The following TBCEL variants were observed in gnomAD, a reference collection of about 807,000 sequenced individuals.
The protein encoded by TBCEL is tubulin folding cofactor E like.
Under a neutral mutation model 44.2 loss-of-function variants are expected in TBCEL, and 15 were observed. The observed-to-expected ratio is 0.34, with a 90% CI of 0.23 to 0.52. The LOEUF (loss-of-function observed/expected upper bound fraction) is 0.52, where lower values mean the gene tolerates loss of function less well. Ranked by LOEUF, TBCEL falls within the 20% of genes least tolerant of loss-of-function variation. TBCEL has a pLI of 0.95. For synonymous variants in TBCEL, 171 were observed against 185.4 expected, an observed-to-expected ratio of 0.92 and a Z score of 0.63; for missense variants, 319 against 506.3, an observed-to-expected ratio of 0.63 and a Z score of 3.55.
intron 3 of TBCEL, among the ~76,000 whole-genome samples, chr11:121,046,147 G>A (rs1238074005): frequency 6.6e-6 from 1 of 152,040 alleles, no homozygotes; most frequent in Non-Finnish European, 1.5e-5. Context: ...AGCCTAATTG[G>A]TTTACAAGAC....
At chr11:121,054,222 C>T (rs948460567) in intron 5 of TBCEL, among the ~76,000 whole-genome samples, 3 of 151,776 alleles carry the variant, frequency 2.0e-5, no homozygotes, top group Non-Finnish European at 2.9e-5. Context: ...TTTCGTTTGT[C>T]CCTATCTTTG....
chr11:121,070,938 A>C (rs1945919048), intron 8 of TBCEL, among the ~76,000 whole-genome samples: 2 of 152,034 alleles, frequency 1.3e-5, no homozygotes, highest in Non-Finnish European at 2.9e-5. Context: ...CTTTTTAGAG[A>C]GATTATGTGT....
At chr11:121,029,016 T>C (rs933287542) in intron 1 of TBCEL, among the ~76,000 whole-genome samples, 4 of 152,210 alleles carry the variant, frequency 2.6e-5, no homozygotes, top group Non-Finnish European at 2.9e-5. Context: ...TTCCCACATA[T>C]ACTCTATACT....
At chr11:121,068,888 A>G (rs958544684) in intron 8 of TBCEL, among the ~76,000 whole-genome samples, 9 of 146,672 alleles carry the variant, frequency 6.1e-5, no homozygotes, top group African/African-American at 2.3e-4. Context: ...CTCCGTCTCA[A>G]AAAAAAAAAA....
intron 8 of TBCEL, among the ~76,000 whole-genome samples, chr11:121,084,175 A>G (rs564580025): frequency 6.6e-6 from 1 of 152,338 alleles, no homozygotes; most frequent in South Asian, 2.1e-4. Flanking sequence ...AGTTTCCAGC[A>G]CATGAGCTTG....
intron 8 of TBCEL, among the ~76,000 whole-genome samples, chr11:121,084,880 T>C (rs1946188013): frequency 6.6e-6 from 1 of 152,092 alleles, no homozygotes; most frequent in South Asian, 2.1e-4. Flanking sequence ...CTTTTCAGTT[T>C]AGAGCCTTGG....
At chr11:121,032,399 TA>T (rs1390817288) in intron 1 of TBCEL, among the ~76,000 whole-genome samples, 11 of 152,228 alleles carry the variant, frequency 7.2e-5, no homozygotes, top group South Asian at 4.1e-4. Flanking sequence ...TTGTTACTCC[TA>T]GGGGAAATAT....
intron 1 of TBCEL, among the ~76,000 whole-genome samples, chr11:121,025,165 A>G (rs630416): frequency 6.6e-6 from 1 of 152,342 alleles, no homozygotes; most frequent in East Asian, 1.9e-4. Context: ...GCTAGGCTAC[A>G]AAGAGCTTGT....
chr11:121,044,119 A>G (rs1945384912), intron 2 of TBCEL, among the ~76,000 whole-genome samples: 1 of 152,018 alleles, frequency 6.6e-6, no homozygotes, highest in South Asian at 2.1e-4. Context: ...TTTTAACATG[A>G]TCGTGAATCT....
At chr11:121,069,982 T>C (rs73011581) in intron 8 of TBCEL, among the ~76,000 whole-genome samples, 1 of 152,184 alleles carries the variant, frequency 6.6e-6, no homozygotes, top group Non-Finnish European at 1.5e-5. Context: ...GGTTTGTATA[T>C]AGAAGAAGAA....
chr11:121,040,376 C>T (rs1227126182), intron 2 of TBCEL, among the ~76,000 whole-genome samples: 1 of 152,150 alleles, frequency 6.6e-6, no homozygotes, highest in African/African-American at 2.4e-5. Flanking sequence ...GGTATTCTTC[C>T]AGCCCTTTGG....
At position 121,053,740 on chromosome 11, in the gene TBCEL, C is replaced by G; in HGVS notation, c.455+8C>G. 1 of 1,611,142 alleles carries G rather than the reference C, an allele frequency of 6.2e-7. No individual in the cohort carries two copies. On this transcript the variant is annotated splice_region_variant and intron_variant, in intron 5 of 8. Transcript: ENST00000683345. ...ACTACAGGAGTTACCAGAGTAAGCC[C>G]AGAGAGCATGAGGGCGAGGGAGTTA...
intron 8 of TBCEL, among the ~76,000 whole-genome samples, chr11:121,074,571 C>T (rs1668975857): frequency 6.6e-6 from 1 of 151,828 alleles, no homozygotes; most frequent in Non-Finnish European, 1.5e-5. Flanking sequence ...TTAGTAGTGT[C>T]CTTTGTTTAA....
intron 4 of TBCEL, among the ~76,000 whole-genome samples, chr11:121,048,612 C>G (rs565747506): frequency 6.6e-6 from 1 of 151,906 alleles, no homozygotes; most frequent in Middle Eastern, 3.4e-3. Flanking sequence ...AGCTGTCTTC[C>G]GTAGTGCTAC....
At chr11:121,086,726 C>T in intron 8 of TBCEL, 52 bp from the exon 9 acceptor site, 3 of 1,367,842 alleles carry the variant, frequency 2.2e-6, no homozygotes, top group East Asian at 2.3e-5. Flanking sequence ...AAGAAGTCCA[C>T]AGTACATGTG....
intron 4 of TBCEL, among the ~76,000 whole-genome samples, chr11:121,049,026 T>A (rs1185352213): frequency 6.6e-6 from 1 of 151,952 alleles, no homozygotes; most frequent in Non-Finnish European, 1.5e-5. Context: ...CAGTCTTGTA[T>A]AATGACTTGC....
chr11:121,082,202 AGTGT>A (rs570571591), intron 8 of TBCEL, among the ~76,000 whole-genome samples: 174 of 152,386 alleles, frequency 1.1e-3, no homozygotes, highest in African/African-American at 4.1e-3. Context: ...GTCTGGGCAC[AGTGT>A]GACTCAGCTG....
chr11:121,057,546 C>A (rs1168019933), intron 6 of TBCEL: 3 of 450,244 alleles, frequency 6.7e-6, no homozygotes. Context: ...ATACAGTCAA[C>A]CCTCCATATT....
intron 2 of TBCEL, among the ~76,000 whole-genome samples, chr11:121,039,219 T>C (rs1207736996): frequency 6.6e-6 from 1 of 152,240 alleles, no homozygotes; most frequent in Middle Eastern, 3.2e-3. Flanking sequence ...TCTAGTCTCT[T>C]GTGTTTGTTC....
Sources: gnomAD v4.1 joint callset for allele counts (sites outside exome capture counted in the v4.1 genomes callset) on GRCh38, gnomAD v4.1.1 for gene constraint, MANE v1.5 for transcripts, NCBI Gene and HGNC (gene_info 2026-07-23, HGNC 2026-07-21) for gene names.